The following ZNF438 variants were observed in gnomAD, a reference collection of about 807,000 sequenced individuals.
ZNF438 encodes the protein zinc finger protein 438.
A neutral mutation model predicts 38.0 loss-of-function variants in ZNF438; 25 were observed. The observed-to-expected ratio is 0.66, with a 90% CI of 0.48 to 0.92. The LOEUF is 0.92. ZNF438 is among the 40% of genes least tolerant of loss of function. ZNF438 has a pLI of 0.00. For missense variants in ZNF438, 1,007 were observed against 999.6 expected (o/e 1.01, Z -0.10); for synonymous variants, 372 against 364.1 (o/e 1.02, Z -0.25).
rs1349393704 is a variant in ZNF438, at chr10:30,901,981, G to A, written c.-32+6952C>T. On this transcript the variant is annotated intron_variant, in intron 3 of 5. Transcript: ENST00000413025. ...GTTGTTAGTTTCTCCTGGTGGGTTC[G>A]TGATCTGGCTGGCTTTAGGAGTGAA... Among the ~76,000 whole-genome samples, 3 of 151,906 alleles carry A rather than the reference G, an allele frequency of 2.0e-5. No homozygotes were observed. In the East Asian group the frequency reaches 5.8e-4, roughly 29 times the overall value.
At chr10:30,884,682 G>C (rs12412097) in intron 3 of ZNF438, among the ~76,000 whole-genome samples, 2 of 152,152 alleles carry the variant, frequency 1.3e-5, no homozygotes, top group Admixed American at 1.3e-4. Flanking sequence ...TTATAAACCA[G>C]TTACATGATT....
chr10:30,904,225 T>C (rs1267372433), intron 3 of ZNF438, among the ~76,000 whole-genome samples: 1 of 152,236 alleles, frequency 6.6e-6, no homozygotes, highest in Non-Finnish European at 1.5e-5. Context: ...CCATTCATGT[T>C]ACTTGAAGTT....
intron 4 of ZNF438, among the ~76,000 whole-genome samples, chr10:30,868,239 T>G (rs2133358497): frequency 6.6e-6 from 1 of 152,004 alleles, no homozygotes; most frequent in African/African-American, 2.4e-5. Context: ...CCAGCTAATG[T>G]TTTGCATTTT....
intron 4 of ZNF438, among the ~76,000 whole-genome samples, chr10:30,861,296 TA>T (rs1361310890): frequency 1.3e-5 from 2 of 152,214 alleles, no homozygotes; most frequent in Non-Finnish European, 2.9e-5. Context: ...CTGTATTATT[TA>T]GGGAATGATG....
At chr10:30,988,564 T>C (rs993950142) in intron 1 of ZNF438, among the ~76,000 whole-genome samples, 1 of 152,108 alleles carries the variant, frequency 6.6e-6, no homozygotes, top group African/African-American at 2.4e-5. Flanking sequence ...GTACAAATTA[T>C]AGCTAAGAAA....
intron 2 of ZNF438, among the ~76,000 whole-genome samples, chr10:30,909,538 T>C (rs954148633): frequency 6.6e-6 from 1 of 152,194 alleles, no homozygotes; most frequent in Non-Finnish European, 1.5e-5. Context: ...AGGAAATAAC[T>C]TTTTAACTTT....
At chr10:30,952,282 T>TA (rs1461774006) in intron 1 of ZNF438, among the ~76,000 whole-genome samples, 9 of 148,646 alleles carry the variant, frequency 6.1e-5, no homozygotes, top group African/African-American at 2.2e-4. Flanking sequence ...ACGTTAGACC[T>TA]AAAACCATAA....
At chr10:30,856,304 C>T (rs2034615794) in intron 4 of ZNF438, among the ~76,000 whole-genome samples, 1 of 152,188 alleles carries the variant, frequency 6.6e-6, no homozygotes, top group African/African-American at 2.4e-5. Context: ...TTCCTCCAAA[C>T]ATTTGCTCTT....
At chr10:30,963,774 G>A (rs765514086) in intron 1 of ZNF438, among the ~76,000 whole-genome samples, 8 of 151,840 alleles carry the variant, frequency 5.3e-5, no homozygotes, top group African/African-American at 1.2e-4. Flanking sequence ...CCAGCTAATC[G>A]GGAGGCTGAG....
chr10:30,905,432 T>G lies in ZNF438; in HGVS notation c.-32+3501A>C, dbSNP rs563498751. Among the ~76,000 whole-genome samples the G allele has an allele frequency of 1.3e-4, 20 of 152,370 alleles. No individual in the cohort carries two copies. The East Asian group carries it at 3.7e-3, about 28-fold the overall frequency. On this transcript the variant is annotated intron_variant, in intron 3 of 5. Coordinates refer to ENST00000413025, the Ensembl canonical transcript of ZNF438. ...TCTTCGGAAAAATGTCTATTCAATT[T>G]CTTTGACCAGTTTTAATTGGGTTAT...
chr10:31,013,744 CTCT>C (rs1208288005), intron 1 of ZNF438, among the ~76,000 whole-genome samples: 1 of 152,134 alleles, frequency 6.6e-6, no homozygotes, highest in Non-Finnish European at 1.5e-5. Context: ...ATCTCTCCTT[CTCT>C]TCTTTTACCC....
intron 3 of ZNF438, among the ~76,000 whole-genome samples, chr10:30,899,214 T>G (rs569983475): frequency 6.6e-6 from 1 of 152,142 alleles, no homozygotes; most frequent in Admixed American, 6.5e-5. Flanking sequence ...GAGTTAACTT[T>G]GAATGGTATA....
chr10:30,882,504 T>C (rs1237953988), intron 3 of ZNF438, among the ~76,000 whole-genome samples: 1 of 152,192 alleles, frequency 6.6e-6, no homozygotes, highest in Non-Finnish European at 1.5e-5. Context: ...AATGGAACAT[T>C]ACTCAGCATT....
chr10:30,953,421 T>G (rs115766735), intron 1 of ZNF438, among the ~76,000 whole-genome samples: 1,738 of 144,012 alleles, frequency 0.012, 29 homozygotes, highest in African/African-American at 0.041. Flanking sequence ...TTTAAAAAAT[T>G]AAAAAAAAAA....
chr10:30,953,231 ATCACAC>A (rs1229433722), intron 1 of ZNF438, among the ~76,000 whole-genome samples: 16 of 150,166 alleles, frequency 1.1e-4, no homozygotes, highest in African/African-American at 3.9e-4. Flanking sequence ...GAAGGGGAAT[ATCACAC>A]TCTGGGGACT....
At chr10:30,994,323 C>A (rs1168550692) in intron 1 of ZNF438, among the ~76,000 whole-genome samples, 1 of 152,166 alleles carries the variant, frequency 6.6e-6, no homozygotes, top group African/African-American at 2.4e-5. Context: ...GAAACTTGGT[C>A]CTGAATGCAG....
intron 1 of ZNF438, among the ~76,000 whole-genome samples, chr10:31,016,429 GAT>G (rs1446960008): frequency 6.6e-6 from 1 of 152,082 alleles, no homozygotes; most frequent in Non-Finnish European, 1.5e-5. Flanking sequence ...TATTAACTAG[GAT>G]ATAAGCTAAA....
At chr10:31,010,885 C>T (rs1487969599) in intron 1 of ZNF438, among the ~76,000 whole-genome samples, 1 of 101,758 alleles carries the variant, frequency 9.8e-6, no homozygotes, top group Non-Finnish European at 1.8e-5. Context: ...GAAGTGAGAC[C>T]CTGTTTGAAA....
At chr10:30,899,896 G>T (rs369701686) in intron 3 of ZNF438, among the ~76,000 whole-genome samples, 2 of 152,124 alleles carry the variant, frequency 1.3e-5, no homozygotes, top group Non-Finnish European at 2.9e-5. Flanking sequence ...TGGCCACAAG[G>T]ATAGCTAATT....
Sources: gnomAD v4.1 joint callset for allele counts (sites outside exome capture counted in the v4.1 genomes callset) on GRCh38, gnomAD v4.1.1 for gene constraint, MANE v1.5 for transcripts, NCBI Gene and HGNC (gene_info 2026-07-23, HGNC 2026-07-21) for gene names.